SLC9A9: variants seen among roughly 807,000 people sequenced by gnomAD.
SLC9A9 encodes solute carrier family 9 member A9.
SLC9A9 carries 62 observed loss-of-function variants against 77.8 expected under a neutral mutation model. That is an observed-to-expected ratio of 0.80 (90% CI 0.65 to 0.98). The LOEUF (loss-of-function observed/expected upper bound fraction) is 0.98. Among genes scored for constraint, SLC9A9 ranks in the 50% least tolerant of loss-of-function variants. The pLI is 0.00. For synonymous variants in SLC9A9, 320 were observed against 283.5 expected (o/e 1.13, Z -1.29); for missense variants, 775 against 774.9 (o/e 1.00, Z 0.00).
At chr3:143,370,483 C>T (rs1440707540) in intron 13 of SLC9A9, among the ~76,000 whole-genome samples, 1 of 151,676 alleles carries the variant, frequency 6.6e-6, no homozygotes, top group Non-Finnish European at 1.5e-5. Context: ...TCATTGTATT[C>T]TTAACTAATG....
intron 4 of SLC9A9, among the ~76,000 whole-genome samples, chr3:143,760,741 A>T (rs1225328668): frequency 6.6e-6 from 1 of 152,218 alleles, no homozygotes; most frequent in African/African-American, 2.4e-5. Flanking sequence ...AGGAATCATC[A>T]ATATCGTGAA....
At chr3:143,529,697 A>G (rs1302374054) in intron 9 of SLC9A9, among the ~76,000 whole-genome samples, 1 of 152,176 alleles carries the variant, frequency 6.6e-6, no homozygotes, top group African/African-American at 2.4e-5. Flanking sequence ...GATACCGAGT[A>G]TTTTGTTAAA....
At chr3:143,289,616 C>T (rs1938480717) in intron 14 of SLC9A9, among the ~76,000 whole-genome samples, 1 of 152,178 alleles carries the variant, frequency 6.6e-6, no homozygotes, top group Non-Finnish European at 1.5e-5. Flanking sequence ...GTCAATCCAT[C>T]CATCAATAAG....
intron 3 of SLC9A9, among the ~76,000 whole-genome samples, chr3:143,796,366 G>A (rs553769172): frequency 6.6e-6 from 1 of 152,196 alleles, no homozygotes; most frequent in East Asian, 1.9e-4. Context: ...TATAATGCAA[G>A]CCACATATTT....
Position 143,693,201 on chromosome 3 carries a change from T to C in SLC9A9, c.640A>G (p.Thr214Ala), listed in dbSNP as rs1365733195. Residue 214 changes from threonine (T) to alanine (A), a missense_variant, in exon 5 of 16, where the codon ACA becomes GCA. Coordinates refer to ENST00000316549, the MANE Select transcript of SLC9A9 (RefSeq NM_173653.4). ...CLFFGSLMSA[T>A]DPVTVLAIFH... ...TTATTTGAGCAATTACCTGGATCTG[T>C]AGCAGACATCAGTGAACCAAAAAAT... 5 of 1,611,758 alleles carry C rather than the reference T, an allele frequency of 3.1e-6. No individual in the cohort carries two copies. Among genetic ancestry groups the C allele is most frequent in the Non-Finnish European group, 4.2e-6 (5 of 1,178,226 alleles).
chr3:143,750,744 T>C (rs1160320989), intron 4 of SLC9A9, among the ~76,000 whole-genome samples: 1 of 148,336 alleles, frequency 6.7e-6, no homozygotes, highest in Non-Finnish European at 1.5e-5. Context: ...TATATATATA[T>C]ATATACATAT....
At chr3:143,517,841 A>G (rs1178225708) in intron 9 of SLC9A9, 2 of 1,601,080 alleles carry the variant, frequency 1.2e-6, no homozygotes, top group Non-Finnish European at 1.7e-6. Context: ...GGCTTTCTGG[A>G]GTTCACCATC....
At chr3:143,411,670 G>A (rs1559904268) in intron 12 of SLC9A9, among the ~76,000 whole-genome samples, 1 of 152,066 alleles carries the variant, frequency 6.6e-6, no homozygotes, top group African/African-American at 2.4e-5. Flanking sequence ...TTTTATTAAT[G>A]TCTTCTCTCT....
intron 9 of SLC9A9, among the ~76,000 whole-genome samples, chr3:143,521,926 T>C (rs982477317): frequency 1.3e-5 from 2 of 152,178 alleles, no homozygotes; most frequent in Non-Finnish European, 2.9e-5. Flanking sequence ...ATTTGTTTCC[T>C]TGCAGATTTT....
chr3:143,427,213 T>G (rs1424035138), intron 12 of SLC9A9, among the ~76,000 whole-genome samples: 1 of 152,170 alleles, frequency 6.6e-6, no homozygotes, highest in Non-Finnish European at 1.5e-5. Context: ...TCCATGGAAA[T>G]GATGGCAAAA....
intron 14 of SLC9A9, among the ~76,000 whole-genome samples, chr3:143,278,024 C>T (rs1247602787): frequency 6.6e-5 from 10 of 152,140 alleles, no homozygotes; most frequent in African/African-American, 1.9e-4. Flanking sequence ...CTGGGTCCCC[C>T]GCTTGGCTCC....
intron 4 of SLC9A9, among the ~76,000 whole-genome samples, chr3:143,741,176 C>T (rs1269076430): frequency 6.6e-6 from 1 of 152,140 alleles, no homozygotes; most frequent in Non-Finnish European, 1.5e-5. Context: ...AGGAATTAAG[C>T]TTCTTTGGAG....
intron 9 of SLC9A9, among the ~76,000 whole-genome samples, chr3:143,530,674 C>CAAACAAAA (rs1553763962): frequency 2.4e-5 from 3 of 122,450 alleles, no homozygotes; most frequent in Admixed American, 8.7e-5. Flanking sequence ...AACAAACAAA[C>CAAACAAAA]AAAAACCAAA....
intron 6 of SLC9A9, among the ~76,000 whole-genome samples, chr3:143,586,156 G>T (rs2037538042): frequency 6.6e-6 from 1 of 152,262 alleles, no homozygotes; most frequent in South Asian, 2.1e-4. Flanking sequence ...AGGGGATGGG[G>T]TGGGGGCGGG....
intron 4 of SLC9A9, among the ~76,000 whole-genome samples, chr3:143,722,472 C>CAAAAAAAAAAAAAAAAAAAAA (rs60995925): frequency 1.7e-5 from 1 of 58,344 alleles, no homozygotes; most frequent in East Asian, 8.2e-4. Flanking sequence ...GACTCCATCT[C>CAAAAAAAAAAAAAAAAAAAAA]AAAAAAAAAA....
intron 11 of SLC9A9, among the ~76,000 whole-genome samples, chr3:143,486,921 C>G (rs895946252): frequency 5.9e-5 from 9 of 151,954 alleles, no homozygotes; most frequent in African/African-American, 2.2e-4. Context: ...GACAGAACCT[C>G]TTTCTTACCA....
At chr3:143,323,188 A>C (rs1423693066) in intron 14 of SLC9A9, among the ~76,000 whole-genome samples, 2 of 152,222 alleles carry the variant, frequency 1.3e-5, no homozygotes, top group Non-Finnish European at 1.5e-5. Flanking sequence ...AAAAACTGAA[A>C]ATAGAATTAC....
At chr3:143,715,751 G>A (rs1263201335) in intron 4 of SLC9A9, among the ~76,000 whole-genome samples, 1 of 152,164 alleles carries the variant, frequency 6.6e-6, no homozygotes, top group African/African-American at 2.4e-5. Flanking sequence ...AGAGAGACAA[G>A]AAACATCACA....
chr3:143,780,310 C>T (rs537476075), intron 4 of SLC9A9, among the ~76,000 whole-genome samples: 13 of 152,118 alleles, frequency 8.5e-5, no homozygotes, highest in East Asian at 1.9e-4. Context: ...AAGGTGATGA[C>T]GTGGTGGTTA....
Sources: gnomAD v4.1 joint callset for allele counts (sites outside exome capture counted in the v4.1 genomes callset) on GRCh38, gnomAD v4.1.1 for gene constraint, MANE v1.5 for transcripts, NCBI Gene and HGNC (gene_info 2026-07-23, HGNC 2026-07-21) for gene names.